STAT3: variants seen among roughly 807,000 people sequenced by gnomAD.
STAT3 encodes DNA-binding protein APRF.
STAT3 carries 7 observed loss-of-function variants against 114.3 expected under a neutral mutation model. The ratio of observed to expected loss-of-function variants is 0.06; its 90% CI spans 0.03 to 0.11. The LOEUF is 0.11. Among genes scored for constraint, STAT3 ranks in the 10% least tolerant of loss-of-function variants. The pLI is 1.00. For synonymous variants in STAT3, 331 were observed against 354.5 expected (o/e 0.93, Z 0.74); for missense variants, 364 against 960.9 (o/e 0.38, Z 8.21).
chr17:42,375,050 A>G (rs573766538), intron 1 of STAT3, among the ~76,000 whole-genome samples: 1 of 152,368 alleles, frequency 6.6e-6, no homozygotes, highest in East Asian at 1.9e-4. Flanking sequence ...TAACCCCAGC[A>G]GTCAGAAAGT....
At chr17:42,378,584 A>G (rs887264050) in intron 1 of STAT3, among the ~76,000 whole-genome samples, 10 of 152,236 alleles carry the variant, frequency 6.6e-5, no homozygotes, top group African/African-American at 2.2e-4. Context: ...GTTTCAATAA[A>G]TGTGCTTTCC....
chr17:42,350,011 G>A (rs951359200), intron 1 of STAT3, among the ~76,000 whole-genome samples: 1 of 151,766 alleles, frequency 6.6e-6, no homozygotes, highest in African/African-American at 2.4e-5. Context: ...AGCTGAGATC[G>A]TGCCACTGCA....
chr17:42,345,794 C>G lies in STAT3; in HGVS notation c.274-137G>C. ...AAACAACGGAACAAAGGCTTCAGAG[C>G]CTGGGTGAAGGCTCTCTGTCGGCGG... On this transcript the variant is annotated intron_variant, in intron 3 of 23. Transcript: ENST00000264657. 6 of 887,548 alleles carry G rather than the reference C, an allele frequency of 6.8e-6. No homozygotes were observed. The South Asian group carries it at 8.6e-5, about 13-fold the overall frequency. The allele number at this position is 887,548 out of a possible 1,614,324, so 55.0% of individuals were successfully genotyped here. A position where few individuals can be genotyped will look rare whatever the true frequency, so the allele number is the denominator to read the frequency against.
intron 4 of STAT3, among the ~76,000 whole-genome samples, chr17:42,342,859 T>C (rs976300355): frequency 6.6e-6 from 1 of 152,046 alleles, no homozygotes; most frequent in African/African-American, 2.4e-5. Context: ...ATGCTGAACT[T>C]TCTACACTTC....
chr17:42,367,322 G>C (rs1349779459), intron 1 of STAT3, among the ~76,000 whole-genome samples: 1 of 150,272 alleles, frequency 6.7e-6, no homozygotes, highest in Non-Finnish European at 1.5e-5. Context: ...CTCGGCAACA[G>C]AGCAAGATTT....
chr17:42,383,004 C>T (rs1483464129), intron 1 of STAT3, among the ~76,000 whole-genome samples: 1 of 152,046 alleles, frequency 6.6e-6, no homozygotes, highest in Non-Finnish European at 1.5e-5. Context: ...GAAATTCATT[C>T]TTCCATATGT....
intron 20 of STAT3, among the ~76,000 whole-genome samples, chr17:42,322,739 A>C (rs1342230615): frequency 1.3e-5 from 2 of 152,270 alleles, no homozygotes; most frequent in African/African-American, 4.8e-5. Flanking sequence ...AGATATATTA[A>C]CAGGGTTAAG....
chr17:42,340,139 C>A (rs2082381115), intron 4 of STAT3, among the ~76,000 whole-genome samples: 1 of 152,076 alleles, frequency 6.6e-6, no homozygotes, highest in African/African-American at 2.4e-5. Flanking sequence ...GGGCAGATTA[C>A]CTGAGGTCAG....
rs144416902 is a variant in STAT3, at chr17:42,332,607, C to T, written c.1049+1066G>A. On this transcript the variant is annotated intron_variant, in intron 10 of 23. Coordinates refer to ENST00000264657, the MANE Select transcript of STAT3 (RefSeq NM_139276.3). ...TCTGTAATCCCAGCACTTTTGGAGG[C>T]CGGGGTGGGTGGATTACTGAGGTCA... 1.5e-3 allele frequency among the ~76,000 whole-genome samples: 220 copies of T among 147,142 alleles called. 2 individuals carry two copies. Among genetic ancestry groups the T allele is most frequent in the Middle Eastern group, 3.8e-3 (1 of 262 alleles).
chr17:42,369,088 A>C (rs571416804), intron 1 of STAT3, among the ~76,000 whole-genome samples: 10 of 152,260 alleles, frequency 6.6e-5, no homozygotes, highest in Admixed American at 5.2e-4. Context: ...TCAGCCGAGC[A>C]CGGTGGCTCA....
chr17:42,325,430 C>T (rs1341099167), intron 15 of STAT3, among the ~76,000 whole-genome samples: 2 of 152,160 alleles, frequency 1.3e-5, no homozygotes, highest in Non-Finnish European at 2.9e-5. Context: ...ACCAGGATTC[C>T]TGCTTTTCTA....
intron 1 of STAT3, chr17:42,387,662 C>G (rs1311855551): frequency 6.6e-6 from 1 of 151,918 alleles, no homozygotes; most frequent in Non-Finnish European, 1.5e-5. Flanking sequence ...GAAAAAGATG[C>G]GAGGGAATTT....
chr17:42,358,563 A>C (rs1487325408), intron 1 of STAT3, among the ~76,000 whole-genome samples: 1 of 152,188 alleles, frequency 6.6e-6, no homozygotes, highest in Non-Finnish European at 1.5e-5. Context: ...AAAACCCACA[A>C]AACAGACCAA....
intron 1 of STAT3, among the ~76,000 whole-genome samples, chr17:42,386,624 T>C (rs1340506539): frequency 2.6e-5 from 4 of 152,198 alleles, no homozygotes; most frequent in Non-Finnish European, 5.9e-5. Flanking sequence ...ACTCAACTCC[T>C]GGACTCAAGG....
At chr17:42,370,388 G>A (rs934937293) in intron 1 of STAT3, among the ~76,000 whole-genome samples, 5 of 151,498 alleles carry the variant, frequency 3.3e-5, no homozygotes, top group South Asian at 2.1e-4. Context: ...TGGGATTACA[G>A]GCGCCTGCCA....
At position 42,322,436 on chromosome 17, in the gene STAT3, T is replaced by A. The variant is rs2081521200; in HGVS notation, c.1947A>T (p.Ser649=). The A allele has an allele frequency of 6.2e-7, 1 of 1,614,090 alleles. No homozygotes were observed. The highest frequency in any genetic ancestry group is 8.5e-7 in the Non-Finnish European group (1 of 1,180,042). ...PYTKQQLNNM[S]FAEIIMGYKI... is the part of the protein sequence containing the mutation. ...TATAGCCCATGATGATTTCAGCAAATGACATGTTGTTCAGCTGCTGCTTTG... is the reference window on the plus strand; with the variant it reads ...TATAGCCCATGATGATTTCAGCAAAAGACATGTTGTTCAGCTGCTGCTTTG... Residue 649 remains serine, a synonymous_variant, in exon 21 of 24, where the codon TCA becomes TCT. Coordinates refer to ENST00000264657, the MANE Select transcript of STAT3 (RefSeq NM_139276.3).
intron 1 of STAT3, among the ~76,000 whole-genome samples, chr17:42,365,848 G>T (rs986526972): frequency 4.6e-5 from 7 of 151,740 alleles, no homozygotes; most frequent in Non-Finnish European, 7.4e-5. Context: ...TAGAGACAGG[G>T]TTTCACCATA....
chr17:42,378,167 GT>G lies in STAT3; in HGVS notation c.-24+10111del, dbSNP rs565282439. On this transcript the variant is annotated intron_variant, in intron 1 of 23. Transcript: ENST00000264657. Reference sequence around the variant, plus strand: ...CACCCAGCCAGATTATTCTTAATCAGTTGATTATTTCTGGCTCCAGAATGCT... The same window carrying G: ...CACCCAGCCAGATTATTCTTAATCAGTGATTATTTCTGGCTCCAGAATGCT... Among the ~76,000 whole-genome samples the G allele has an allele frequency of 1.1e-3, 172 of 150,630 alleles. 2 individuals are homozygous for G. In the South Asian group the frequency reaches 0.026, roughly 23 times the overall value.
chr17:42,330,554 G>A (rs1014308357), intron 11 of STAT3, among the ~76,000 whole-genome samples: 1 of 151,028 alleles, frequency 6.6e-6, no homozygotes, highest in Non-Finnish European at 1.5e-5. Context: ...TCAGCCTCCT[G>A]AGTAGCTGGG....
Sources: gnomAD v4.1 joint callset for allele counts (sites outside exome capture counted in the v4.1 genomes callset) on GRCh38, gnomAD v4.1.1 for gene constraint, MANE v1.5 for transcripts, NCBI Gene and HGNC (gene_info 2026-07-23, HGNC 2026-07-21) for gene names.